The following CPA4 variants were observed in gnomAD, a reference collection of about 807,000 sequenced individuals.
CPA4 encodes the protein carboxypeptidase A3.
In CPA4, 49 loss-of-function variants were observed where a neutral mutation model predicts 54.7. That is an observed-to-expected ratio of 0.90 (90% CI 0.71 to 1.14). CPA4 has a LOEUF of 1.14. Ranked by LOEUF, CPA4 falls within the 50% of genes most tolerant of loss-of-function variation. CPA4 has a pLI of 0.00. For synonymous variants in CPA4, 215 were observed against 206.8 expected (o/e 1.04, Z -0.34); for missense variants, 487 against 525.1 (o/e 0.93, Z 0.71).
chr7:130,315,543 TAA>T (rs900802996), intron 10 of CPA4, among the ~76,000 whole-genome samples: 11 of 152,102 alleles, frequency 7.2e-5, no homozygotes, highest in African/African-American at 2.7e-4. Context: ...AGTAATTTGA[TAA>T]ATGAATTCAG....
At chr7:130,318,691 G>A (rs910440011) in intron 10 of CPA4, among the ~76,000 whole-genome samples, 1 of 152,146 alleles carries the variant, frequency 6.6e-6, no homozygotes, top group Non-Finnish European at 1.5e-5. Flanking sequence ...GATTACAGGC[G>A]TGAGCCACAG....
intron 1 of CPA4, among the ~76,000 whole-genome samples, chr7:130,296,683 T>C: frequency 1.5e-5 from 1 of 68,470 alleles, no homozygotes; most frequent in South Asian, 5.5e-4. Context: ...CCCTCACTTT[T>C]TTTTTTTTTT....
At chr7:130,304,662 T>C in intron 5 of CPA4, 83 bp downstream of exon 5, 1 of 852,802 alleles carries the variant, frequency 1.2e-6, no homozygotes, top group Non-Finnish European at 2.0e-6. Context: ...GGTAGCTTTT[T>C]GAACTCCTTG....
At chr7:130,306,732 C>T (rs1793826319) in intron 6 of CPA4, 55 bp from the exon 7 acceptor site, 7 of 1,012,984 alleles carry the variant, frequency 6.9e-6, no homozygotes, top group Non-Finnish European at 1.1e-5. Flanking sequence ...CATGGTTCAG[C>T]CCTAATGGCC....
intron 10 of CPA4, among the ~76,000 whole-genome samples, chr7:130,321,751 A>G (rs1794106149): frequency 6.6e-6 from 1 of 152,224 alleles, no homozygotes; most frequent in South Asian, 2.1e-4. Context: ...AGATCTCATG[A>G]GACTTATTCA....
chr7:130,312,204 T>A, intron 10 of CPA4, 82 bp downstream of exon 10: 17 of 964,644 alleles, frequency 1.8e-5, no homozygotes, highest in Non-Finnish European at 2.8e-5. Flanking sequence ...GGCTGTAAGT[T>A]AGACTTACTT....
In CPA4 at chr7:130,298,814, C is replaced by T. The variant is rs371047409; in HGVS notation, c.137C>T (p.Ser46Leu). The change falls in exon 2 of 11, where the codon TCA (serine) becomes TTA (leucine). Residue 46 changes from serine to leucine, a missense_variant. Transcript: ENST00000222482. ...AGCAAATTGAGTCAACTAGTGAATTCAAACAACTTGAAGGTACCTGGTTCT... is the reference window on the plus strand; with the variant it reads ...AGCAAATTGAGTCAACTAGTGAATTTAAACAACTTGAAGGTACCTGGTTCT... ...EISKLSQLVN[S>L]NNLKLNFWKS... 1 of 1,604,366 alleles carries T rather than the reference C, an allele frequency of 6.2e-7. No individual in the cohort carries two copies. Among genetic ancestry groups the T allele is most frequent in the Non-Finnish European group, 8.5e-7 (1 of 1,171,180 alleles).
intron 10 of CPA4, among the ~76,000 whole-genome samples, chr7:130,313,469 G>T (rs1269421567): frequency 2.0e-5 from 3 of 152,298 alleles, no homozygotes; most frequent in Admixed American, 1.3e-4. Flanking sequence ...GCTGTTATAA[G>T]ATTTAATCCC....
intron 10 of CPA4, among the ~76,000 whole-genome samples, chr7:130,314,145 TG>T (rs1315023919): frequency 6.6e-6 from 1 of 152,302 alleles, no homozygotes; most frequent in African/African-American, 2.4e-5. Flanking sequence ...TGGTGATCCT[TG>T]GTAGTCAACT....
At position 130,310,385 on chromosome 7, in the gene CPA4, C is replaced by G. The variant is rs1793893005; in HGVS notation, c.794-402C>G. Among the ~76,000 whole-genome samples the G allele has an allele frequency of 6.6e-6, 1 of 152,234 alleles. No homozygotes were observed. The highest frequency in any genetic ancestry group is 1.5e-5 in the Non-Finnish European group (1 of 68,042). On this transcript the variant is annotated intron_variant, in intron 8 of 10. Transcript: ENST00000222482. The surrounding 1 kb of genome is among the most constrained non-coding windows in gnomAD (Gnocchi z 4.3). ...TTTTAGCCACAACAATTGATTATTT[C>G]TGGCACACTTGGCCTTTAAGATCTC...
rs1163015828 is a variant in CPA4, at chr7:130,299,376, A to C, written c.257A>C (p.Glu86Ala). Residue 86 changes from glutamate (E) to alanine (A), a missense_variant, in exon 3 of 11, where the codon GAG becomes GCG. Coordinates refer to ENST00000222482, the MANE Select transcript of CPA4 (RefSeq NM_016352.4). ...FKSFLRSQGL[E>A]YAVTIEDLQA... ...TCCTTCCTGAGATCCCAGGGCTTAG[A>C]GTACGCAGTGACAATTGAGGACCTG... 6.2e-7 allele frequency: 1 copy of C among 1,614,136 alleles called. No individual in the cohort carries two copies. The highest frequency in any genetic ancestry group is 1.1e-5 in the South Asian group (1 of 91,072).
chr7:130,315,589 C>A (rs989667024), intron 10 of CPA4, among the ~76,000 whole-genome samples: 6 of 151,930 alleles, frequency 3.9e-5, no homozygotes, highest in Admixed American at 3.3e-4. Flanking sequence ...AGAGGCACCC[C>A]GAACCTGGGG....
intron 10 of CPA4, among the ~76,000 whole-genome samples, chr7:130,319,370 T>C (rs950623824): frequency 2.0e-5 from 3 of 152,242 alleles, no homozygotes; most frequent in African/African-American, 7.2e-5. Context: ...GTTGGTGCGT[T>C]ACCCATCAGA....
chr7:130,312,132 C>A lies in CPA4; in HGVS notation c.1078+10C>A. 2 of 1,596,740 alleles carry A rather than the reference C, an allele frequency of 1.3e-6. No homozygotes were observed. Among genetic ancestry groups the A allele is most frequent in the Non-Finnish European group, 1.7e-6 (2 of 1,164,196 alleles). On this transcript the variant is annotated intron_variant, in intron 10 of 10. Coordinates refer to ENST00000222482, the MANE Select transcript of CPA4 (RefSeq NM_016352.4). Reference sequence around the variant, plus strand: ...ACCTGCACCACTGTCTGTAAGTACTCGCTTATTTATGAGTTATTTAGAAAG... The same window carrying A: ...ACCTGCACCACTGTCTGTAAGTACTAGCTTATTTATGAGTTATTTAGAAAG...
chr7:130,305,407 C>T (rs550390816), intron 5 of CPA4, among the ~76,000 whole-genome samples: 1 of 152,318 alleles, frequency 6.6e-6, no homozygotes, highest in African/African-American at 2.4e-5. Flanking sequence ...ATAGCGAGCC[C>T]CCCTTCTTCT....
At chr7:130,319,321 T>C (rs1584756263) in intron 10 of CPA4, among the ~76,000 whole-genome samples, 1 of 152,328 alleles carries the variant, frequency 6.6e-6, no homozygotes, top group Non-Finnish European at 1.5e-5. Flanking sequence ...GTTTTCACGC[T>C]CATGTGTGAC....
chr7:130,308,247 C>T lies in CPA4; in HGVS notation c.703-60C>T, dbSNP rs1326651084. On this transcript the variant is annotated intron_variant, in intron 7 of 10. Coordinates refer to ENST00000222482, the MANE Select transcript of CPA4 (RefSeq NM_016352.4). ...TGCCTGCGTGTCATCTCCACCCTAG[C>T]CCTCTTCGGTGATCTGATCTGCCTC... 7.7e-6 allele frequency: 11 copies of T among 1,420,888 alleles called. No homozygotes were observed. In the East Asian group the frequency reaches 2.0e-4, roughly 26 times the overall value. 88.0% of individuals were successfully genotyped at this position (1,420,888 alleles called of 1,614,324 possible).
chr7:130,296,066 T>C (rs1793644060), intron 1 of CPA4, among the ~76,000 whole-genome samples: 1 of 152,206 alleles, frequency 6.6e-6, no homozygotes, highest in Admixed American at 6.5e-5. Context: ...TTGCTTCCTC[T>C]GGTCAGGAAA....
chr7:130,300,796 A>G lies in CPA4; in HGVS notation c.286-20A>G. Reference sequence around the variant, plus strand: ...TGCGTCTGCAATGGATCACTTCACAACATTGCTGTGTGTTTTCAGGCCCTT... The same window carrying G: ...TGCGTCTGCAATGGATCACTTCACAGCATTGCTGTGTGTTTTCAGGCCCTT... On this transcript the variant is annotated intron_variant, in intron 3 of 10. Transcript: ENST00000222482. The G allele has an allele frequency of 6.4e-7, 1 of 1,559,508 alleles. No homozygotes were observed. The highest frequency in any genetic ancestry group is 8.8e-7 in the Non-Finnish European group (1 of 1,130,014).
Sources: allele counts gnomAD v4.1 joint callset (sites outside exome capture counted in the v4.1 genomes callset), GRCh38; gene constraint gnomAD v4.1.1; non-coding constraint Gnocchi (gnomAD v3.1); transcripts MANE v1.5; gene names NCBI Gene and HGNC (gene_info 2026-07-23, HGNC 2026-07-21).